RYR2: variants seen among roughly 807,000 people sequenced by gnomAD.
RYR2 encodes cardiac muscle ryanodine receptor-calcium release channel.
In RYR2, 227 loss-of-function variants were observed where a neutral mutation model predicts 601.1. The observed-to-expected ratio is 0.38, with a 90% CI of 0.34 to 0.42. The LOEUF (loss-of-function observed/expected upper bound fraction) is 0.42, where lower values mean the gene tolerates loss of function less well. Among genes scored for constraint, RYR2 ranks in the 10% least tolerant of loss-of-function variants. The probability of loss-of-function intolerance (pLI) is 1.00; values close to 1 mark genes in which losing one functional copy is unlikely to be tolerated. For synonymous variants in RYR2, 2,223 were observed against 2,175.1 expected (o/e 1.02, Z -0.61); for missense variants, 4,646 against 6,156.5 (o/e 0.75, Z 8.21).
rs1438789864 is a variant in RYR2, at chr1:237,671,841, T to C, written c.8591-2255T>C. Among the ~76,000 whole-genome samples the C allele has an allele frequency of 4.6e-5, 7 of 152,134 alleles. No homozygotes were observed. The East Asian group carries it at 1.3e-3, about 29-fold the overall frequency. ...AGTATGATTAGTGCCCCCAAATTAG[T>C]AAAAAATGTTATTTTCCCACTGCCA... On this transcript the variant is annotated intron_variant, in intron 58 of 104. Coordinates refer to ENST00000366574, the MANE Select transcript of RYR2 (RefSeq NM_001035.3).
intron 12 of RYR2, among the ~76,000 whole-genome samples, chr1:237,433,966 A>T (rs1011515438): frequency 3.9e-5 from 6 of 152,212 alleles, no homozygotes; most frequent in Admixed American, 1.3e-4. Flanking sequence ...CTGTGTTGCA[A>T]ATCAAGATTT....
chr1:237,464,642 CAATCATTCTCTAAGA>C (rs1315734740), intron 16 of RYR2, among the ~76,000 whole-genome samples: 4 of 152,290 alleles, frequency 2.6e-5, no homozygotes, highest in South Asian at 4.1e-4. Flanking sequence ...CAAATATCAG[CAATCATTCTCTAAGA>C]AATTTCTAAA....
At chr1:237,308,367 G>A (rs970671973) in intron 2 of RYR2, among the ~76,000 whole-genome samples, 3 of 152,154 alleles carry the variant, frequency 2.0e-5, no homozygotes, top group African/African-American at 7.2e-5. Flanking sequence ...TGTCTATGAA[G>A]TAGCTGCCCT....
intron 95 of RYR2, among the ~76,000 whole-genome samples, chr1:237,794,485 C>T (rs1658856171): frequency 6.6e-6 from 1 of 152,174 alleles, no homozygotes; most frequent in Non-Finnish European, 1.5e-5. Flanking sequence ...AAATGTAAGA[C>T]AGAAAAACAA....
intron 1 of RYR2, among the ~76,000 whole-genome samples, chr1:237,169,882 A>C (rs1230740426): frequency 3.3e-5 from 5 of 152,158 alleles, no homozygotes; most frequent in Non-Finnish European, 7.3e-5. Flanking sequence ...TTCGTGTAAA[A>C]GTTTCCTTTA....
intron 1 of RYR2, among the ~76,000 whole-genome samples, chr1:237,198,635 C>T (rs775134554): frequency 6.6e-6 from 1 of 151,828 alleles, no homozygotes; most frequent in Non-Finnish European, 1.5e-5. Flanking sequence ...TTATTCCTGG[C>T]AATTTGGCAT....
At chr1:237,185,568 T>C (rs977532811) in intron 1 of RYR2, among the ~76,000 whole-genome samples, 3 of 152,106 alleles carry the variant, frequency 2.0e-5, no homozygotes, top group Admixed American at 6.6e-5. Flanking sequence ...TCGGTGCTCC[T>C]GTGTCAGTCA....
At chr1:237,196,187 A>C (rs1680543929) in intron 1 of RYR2, among the ~76,000 whole-genome samples, 2 of 152,184 alleles carry the variant, frequency 1.3e-5, no homozygotes, top group South Asian at 4.1e-4. Context: ...TCTAGTAACA[A>C]ATTATCTTCA....
chr1:237,091,594 T>C (rs1406584396), intron 1 of RYR2, among the ~76,000 whole-genome samples: 1 of 152,060 alleles, frequency 6.6e-6, no homozygotes, highest in Middle Eastern at 3.2e-3. Context: ...CTGGCTAATT[T>C]TTGTATTTTT....
At chr1:237,441,898 A>G (rs1707938438) in intron 13 of RYR2, among the ~76,000 whole-genome samples, 1 of 152,038 alleles carries the variant, frequency 6.6e-6, no homozygotes, top group African/African-American at 2.4e-5. Flanking sequence ...GCGGGGTCAG[A>G]AAGGAAAGGA....
At chr1:237,429,695 A>G (rs1033941884) in intron 12 of RYR2, among the ~76,000 whole-genome samples, 4 of 152,210 alleles carry the variant, frequency 2.6e-5, no homozygotes, top group Non-Finnish European at 5.9e-5. Flanking sequence ...ATGGAAATGG[A>G]AATGCAAAAA....
intron 64 of RYR2, among the ~76,000 whole-genome samples, chr1:237,699,793 G>A (rs1687801449): frequency 6.6e-6 from 1 of 152,196 alleles, no homozygotes; most frequent in South Asian, 2.1e-4. Flanking sequence ...GAAAAGACTT[G>A]ATTGCTACAC....
intron 80 of RYR2, among the ~76,000 whole-genome samples, chr1:237,748,539 C>T (rs576850494): frequency 5.9e-5 from 9 of 152,256 alleles, no homozygotes; most frequent in Non-Finnish European, 1.2e-4. Flanking sequence ...TAGCAGCTGG[C>T]TTTCATAAGT....
At chr1:237,793,187 A>G (rs974194531) in intron 94 of RYR2, among the ~76,000 whole-genome samples, 2 of 152,202 alleles carry the variant, frequency 1.3e-5, no homozygotes, top group African/African-American at 2.4e-5. Flanking sequence ...AAAAGACTAG[A>G]ATGTAAAGAG....
intron 17 of RYR2, among the ~76,000 whole-genome samples, chr1:237,477,683 C>G (rs994488255): frequency 1.3e-5 from 2 of 152,222 alleles, no homozygotes; most frequent in African/African-American, 4.8e-5. Flanking sequence ...CTGTTACCTA[C>G]CTAAGGTACA....
chr1:237,566,111 T>C (rs1471761676), intron 27 of RYR2, among the ~76,000 whole-genome samples: 1 of 152,204 alleles, frequency 6.6e-6, no homozygotes, highest in Non-Finnish European at 1.5e-5. Flanking sequence ...CAACTTTCCC[T>C]TATTTCTGTT....
At position 237,305,527 on chromosome 1, in the gene RYR2, G is replaced by A. The variant is rs149005526; in HGVS notation, c.169-25351G>A. ...GCTTACTGCAGCCTGGACCTCCCAG[G>A]CTCAAGCGATCCTCCCATCTCAACC... is the stretch of plus-strand genomic sequence containing the variant. On this transcript the variant is annotated intron_variant, in intron 2 of 104. Transcript: ENST00000366574. Among the ~76,000 whole-genome samples the A allele has an allele frequency of 6.4e-4, 98 of 152,296 alleles. 1 individual carries two copies. The East Asian group carries it at 0.018, about 28-fold the overall frequency.
Position 237,778,786 on chromosome 1 carries a change from G to C in RYR2, c.11880+16G>C. The C allele has an allele frequency of 7.7e-7, 1 of 1,293,714 alleles. No individual in the cohort carries two copies. Among genetic ancestry groups the C allele is most frequent in the Non-Finnish European group, 1.1e-6 (1 of 891,682 alleles). The allele number at this position is 1,293,714 out of a possible 1,614,324, so 80.1% of individuals were successfully genotyped here. A position where few individuals can be genotyped will look rare whatever the true frequency, so the allele number is the denominator to read the frequency against. ...GCTGTCGCAGGTAAACTAACTAACT[G>C]CCTTCCTCTCTCTTAAATGACAAAC... On this transcript the variant is annotated intron_variant, in intron 88 of 104. Transcript: ENST00000366574.
chr1:237,681,207 A>G (rs1005073514), intron 62 of RYR2, among the ~76,000 whole-genome samples: 1 of 152,228 alleles, frequency 6.6e-6, no homozygotes. Context: ...CTAATATTAC[A>G]TTGCCCAAAA....
Sources: allele counts gnomAD v4.1 joint callset (sites outside exome capture counted in the v4.1 genomes callset), GRCh38; gene constraint gnomAD v4.1.1; transcripts MANE v1.5; gene names NCBI Gene and HGNC (gene_info 2026-07-23, HGNC 2026-07-21).